STK39: variants seen among roughly 807,000 people sequenced by gnomAD.
STK39 encodes serine/threonine kinase 39.
Under a neutral mutation model 77.8 loss-of-function variants are expected in STK39, and 20 were observed. That is an observed-to-expected ratio of 0.26 (90% CI 0.18 to 0.37). The LOEUF (loss-of-function observed/expected upper bound fraction) is 0.37. STK39 is among the 10% of genes least tolerant of loss of function. The probability of loss-of-function intolerance (pLI) is 1.00; values close to 1 mark genes in which losing one functional copy is unlikely to be tolerated. For missense variants in STK39, 479 were observed against 656.5 expected, an observed-to-expected ratio of 0.73 and a Z score of 2.95; for synonymous variants, 246 against 234.1, an observed-to-expected ratio of 1.05 and a Z score of -0.47.
chr2:168,164,142 C>T (rs2105590763), intron 3 of STK39, among the ~76,000 whole-genome samples: 1 of 152,290 alleles, frequency 6.6e-6, no homozygotes, highest in East Asian at 1.9e-4. Flanking sequence ...CGTTCCATGG[C>T]TGGTTCCTTT....
At chr2:168,173,567 T>A (rs3063829) in intron 2 of STK39, among the ~76,000 whole-genome samples, 1 of 116,396 alleles carries the variant, frequency 8.6e-6, no homozygotes, top group African/African-American at 3.5e-5. Context: ...ATTTATTTAT[T>A]CATTTTGAGA....
intron 2 of STK39, among the ~76,000 whole-genome samples, chr2:168,180,433 T>C (rs1689057191): frequency 6.8e-6 from 1 of 147,114 alleles, no homozygotes; most frequent in Admixed American, 6.8e-5. Flanking sequence ...AAATGCACAC[T>C]CCAAATTTTT....
At chr2:168,181,948 C>G (rs1196678803) in intron 2 of STK39, 30 bp downstream of exon 2, 1 of 1,579,590 alleles carries the variant, frequency 6.3e-7, no homozygotes, top group South Asian at 1.1e-5. Flanking sequence ...AGAAAAGCAA[C>G]CAGCAGGTAT....
chr2:168,083,054 C>T (rs548701532), intron 10 of STK39, among the ~76,000 whole-genome samples: 1 of 152,282 alleles, frequency 6.6e-6, no homozygotes, highest in African/African-American at 2.4e-5. Flanking sequence ...CCAACCAAAT[C>T]TATTTATCTA....
chr2:168,027,618 G>A (rs975397870), intron 14 of STK39, among the ~76,000 whole-genome samples: 5 of 152,068 alleles, frequency 3.3e-5, no homozygotes, highest in East Asian at 1.9e-4. Context: ...ACATGCACAC[G>A]TGTGTGCATG....
rs147754862 is a variant in STK39, at chr2:168,062,472, T to C, written c.1376+1028A>G. ...GATAATTTCACTTCTTAACTCTGAA[T>C]TGAATCATACCAAGGGTTACTGTGA... is the stretch of plus-strand genomic sequence containing the variant. On this transcript the variant is annotated intron_variant, in intron 14 of 17. Transcript: ENST00000355999. Among the ~76,000 whole-genome samples, 84 of 152,332 alleles carry C rather than the reference T, an allele frequency of 5.5e-4. 1 individual carries two copies. Among genetic ancestry groups the C allele is most frequent in the Middle Eastern group, 3.4e-3 (1 of 294 alleles).
chr2:168,212,450 C>T (rs902002052), intron 1 of STK39, among the ~76,000 whole-genome samples: 7 of 152,204 alleles, frequency 4.6e-5, no homozygotes, highest in African/African-American at 1.7e-4. Context: ...GGCCAACTCT[C>T]CTGACCCTGT....
At chr2:167,995,029 C>T (rs1683797116) in intron 16 of STK39, among the ~76,000 whole-genome samples, 1 of 151,702 alleles carries the variant, frequency 6.6e-6, no homozygotes. Context: ...ATGAAGTCTA[C>T]AGTATTTTAC....
chr2:168,190,294 A>G (rs1407230232), intron 1 of STK39, among the ~76,000 whole-genome samples: 1 of 152,236 alleles, frequency 6.6e-6, no homozygotes, highest in African/African-American at 2.4e-5. Context: ...GAGAGCAGGC[A>G]CTGGTGGGCT....
chr2:168,054,462 T>C (rs929153958), intron 14 of STK39, among the ~76,000 whole-genome samples: 2 of 152,260 alleles, frequency 1.3e-5, no homozygotes, highest in African/African-American at 4.8e-5. Flanking sequence ...TGGCACATAG[T>C]AGGCATTTCA....
At chr2:168,059,345 G>A (rs1216692378) in intron 14 of STK39, among the ~76,000 whole-genome samples, 1 of 152,174 alleles carries the variant, frequency 6.6e-6, no homozygotes, top group Non-Finnish European at 1.5e-5. Flanking sequence ...TGTAATTAAA[G>A]TTCCAAATCA....
At chr2:168,177,889 C>G (rs1181043085) in intron 2 of STK39, among the ~76,000 whole-genome samples, 2 of 152,200 alleles carry the variant, frequency 1.3e-5, no homozygotes, top group African/African-American at 4.8e-5. Context: ...ACTGTCTAGT[C>G]ATCTGCTAAA....
intron 14 of STK39, among the ~76,000 whole-genome samples, chr2:168,018,559 A>AAAGAAAGT (rs1684485865): frequency 2.8e-5 from 4 of 144,500 alleles, no homozygotes; most frequent in Non-Finnish European, 5.9e-5. Context: ...AGAAAGAAAG[A>AAAGAAAGT]AAGAAAGAAA....
intron 1 of STK39, among the ~76,000 whole-genome samples, chr2:168,236,633 T>A (rs971271097): frequency 1.3e-5 from 2 of 152,256 alleles, no homozygotes; most frequent in Non-Finnish European, 2.9e-5. Flanking sequence ...GTATAAGGCG[T>A]AAGGAAGGGA....
intron 1 of STK39, among the ~76,000 whole-genome samples, chr2:168,232,726 C>T (rs1192391356): frequency 6.6e-6 from 1 of 152,068 alleles, no homozygotes; most frequent in African/African-American, 2.4e-5. Context: ...GCCTGGCCAA[C>T]ATGGTGAAAT....
At chr2:168,174,032 T>C (rs1276331064) in intron 2 of STK39, among the ~76,000 whole-genome samples, 2 of 152,224 alleles carry the variant, frequency 1.3e-5, no homozygotes, top group Non-Finnish European at 2.9e-5. Context: ...TTCATGTGAT[T>C]TGGTATCTGA....
intron 12 of STK39, among the ~76,000 whole-genome samples, chr2:168,065,829 T>C (rs1574434771): frequency 6.6e-6 from 1 of 152,206 alleles, no homozygotes; most frequent in Admixed American, 6.5e-5. Flanking sequence ...AATCTAACTA[T>C]GAGCAATTAT....
intron 2 of STK39, among the ~76,000 whole-genome samples, chr2:168,180,990 G>C (rs1280510725): frequency 2.0e-5 from 3 of 152,114 alleles, no homozygotes; most frequent in Non-Finnish European, 4.4e-5. Context: ...CTGTAATTAA[G>C]CCTAAAATAA....
intron 1 of STK39, among the ~76,000 whole-genome samples, chr2:168,196,350 G>C (rs1051977710): frequency 2.0e-5 from 3 of 152,194 alleles, no homozygotes; most frequent in Non-Finnish European, 4.4e-5. Context: ...TTTTATGTGA[G>C]AGGGGATATG....
Sources: gnomAD v4.1 joint callset for allele counts (sites outside exome capture counted in the v4.1 genomes callset) on GRCh38, gnomAD v4.1.1 for gene constraint, MANE v1.5 for transcripts, NCBI Gene and HGNC (gene_info 2026-07-23, HGNC 2026-07-21) for gene names.